GABRD: variants seen among roughly 807,000 people sequenced by gnomAD.
GABRD encodes gamma-aminobutyric acid receptor subunit delta.
GABRD carries 25 observed loss-of-function variants against 47.3 expected under a neutral mutation model. The ratio of observed to expected loss-of-function variants is 0.53; its 90% confidence interval spans 0.39 to 0.74. GABRD has a LOEUF of 0.74. Among genes scored for constraint, GABRD ranks in the 30% least tolerant of loss-of-function variants. GABRD has a pLI of 0.00. For missense variants in GABRD, 497 were observed against 643.4 expected, an observed-to-expected ratio of 0.77 and a Z score of 2.46; for synonymous variants, 314 against 278.8, an observed-to-expected ratio of 1.13 and a Z score of -1.26.
chr1:2,019,570 G>C, intron 1 of GABRD, 79 bp downstream of exon 1: 1 of 891,606 alleles, frequency 1.1e-6, no homozygotes, highest in East Asian at 6.1e-5. Flanking sequence ...GGCTGGGAGA[G>C]CGGCCGGCGC....
intron 4 of GABRD, 56 bp from the exon 5 acceptor site, chr1:2,027,521 C>A (rs558900384): frequency 1.0e-5 from 15 of 1,461,958 alleles, no homozygotes; most frequent in South Asian, 8.3e-5. Flanking sequence ...AACTGCCAGG[C>A]TTTCGGGAGG....
intron 6 of GABRD, 94 bp from the exon 7 acceptor site, chr1:2,029,016 TG>T: frequency 6.8e-7 from 1 of 1,461,572 alleles, no homozygotes; most frequent in Non-Finnish European, 9.2e-7. Flanking sequence ...TGAGCCCTGG[TG>T]GGCCCCGTAG....
Position 2,028,407 on chromosome 1 carries a change from A to G in GABRD, c.691+115A>G, listed in dbSNP as rs905978069. 2.2e-5 allele frequency: 26 copies of G among 1,194,602 alleles called. No individual in the cohort carries two copies. Among genetic ancestry groups the G allele is most frequent in the Admixed American group, 4.4e-5 (1 of 22,568 alleles). The allele number at this position is 1,194,602 out of a possible 1,614,324, so 74.0% of individuals were successfully genotyped here. ...CCGCGTGCGCCCGCCTGTGGTTTTC[A>G]TGCTTTTTAGTCAAGCGCCCGCAGG... On this transcript the variant is annotated intron_variant, in intron 6 of 8. Transcript: ENST00000378585. The surrounding 1 kb of genome is among the most constrained non-coding windows in gnomAD (Gnocchi z 6.4).
chr1:2,027,589 T>C lies in GABRD; in HGVS notation c.483T>C (p.Thr161=), dbSNP rs756455348. The C allele has an allele frequency of 1.1e-5, 17 of 1,613,434 alleles. No homozygotes were observed. In the East Asian group the frequency reaches 3.6e-4, roughly 34 times the overall value. Residue 161 remains threonine, a synonymous_variant, in exon 5 of 9, where the codon ACT becomes ACC. Coordinates refer to ENST00000378585, the MANE Select transcript of GABRD (RefSeq NM_000815.5). Reference sequence around the variant, plus strand: ...CTTGTCTTGGCAGAATCACCTCCACTGTGGCCTGCGACATGGACCTGGCCA... The same window carrying C: ...CTTGTCTTGGCAGAATCACCTCCACCGTGGCCTGCGACATGGACCTGGCCA... ...VILYSIRITS[T]VACDMDLAKY... is the part of the protein sequence containing the mutation.
At chr1:2,020,304 G>T (rs946777829) in intron 1 of GABRD, among the ~76,000 whole-genome samples, 5 of 152,250 alleles carry the variant, frequency 3.3e-5, no homozygotes, top group Non-Finnish European at 7.3e-5. Flanking sequence ...TAGGAGTCAC[G>T]AGAGGACATT....
rs1228013292 is a variant in GABRD, at chr1:2,025,336, C to G, written c.184C>G (p.Pro62Ala). ...TTAGTTCTGCTCTTTCCTTGCAGGC[C>G]CCCCCGTGAATGTGGCCCTTGCCCT... ...ARNFRPGIGGPPVNVALALEV... is the reference protein window; with the variant it reads ...ARNFRPGIGGAPVNVALALEV... The change falls in exon 3 of 9, where the codon CCC becomes GCC. Residue 62 changes from proline to alanine, a missense_variant and splice_region_variant. This residue lies in a region of GABRD where 91 missense variants were observed against 85.5 expected (regional missense o/e 1.06). Transcript: ENST00000378585. The G allele has an allele frequency of 3.7e-6, 6 of 1,613,086 alleles. No homozygotes were observed. Among genetic ancestry groups the G allele is most frequent in the African/African-American group, 2.7e-5 (2 of 74,946 alleles).
At position 2,028,365 on chromosome 1, in the gene GABRD, CGCGCCCACCGCCCCTTCCGCGT is replaced by C. The variant is rs1571031231; in HGVS notation, c.691+80_691+101del. The C allele has an allele frequency of 1.6e-5, 22 of 1,370,618 alleles. No homozygotes were observed. The South Asian group carries it at 2.1e-4, about 13-fold the overall frequency. The allele number at this position is 1,370,618 out of a possible 1,614,324, so 84.9% of individuals were successfully genotyped here. A position where few individuals can be genotyped will look rare whatever the true frequency, so the allele number is the denominator to read the frequency against. On this transcript the variant is annotated intron_variant, in intron 6 of 8. Transcript: ENST00000378585. This position sits in a 1 kb window ranked among gnomAD's most constrained non-coding sequence, Gnocchi z 6.4. Reference sequence around the variant, plus strand: ...GCGCGCGCCCACCGCCCCTTCCGCGCGCGCCCACCGCCCCTTCCGCGTGCGCCCGCCTGTGGTTTTCATGCTT... The same window carrying C: ...GCGCGCGCCCACCGCCCCTTCCGCGCGCGCCCGCCTGTGGTTTTCATGCTT...
chr1:2,029,799 G>C (rs781038575), intron 8 of GABRD, 37 bp downstream of exon 8: 2 of 1,587,546 alleles, frequency 1.3e-6, no homozygotes, highest in Non-Finnish European at 1.7e-6. Context: ...CAGCACTGCT[G>C]GGGGCCCCAA....
rs762410432 is a variant in GABRD at position 2,027,559 on chromosome 1, C to T, written c.471-18C>T. 6.2e-7 allele frequency: 1 copy of T among 1,609,648 alleles called. No homozygotes were observed. Among genetic ancestry groups the T allele is most frequent in the South Asian group, 1.1e-5 (1 of 90,376 alleles). On this transcript the variant is annotated intron_variant, in intron 4 of 8. Transcript: ENST00000378585. ...TGGCCTCACCCCCAAGGCCTCACTGCCATGCTTGTCTTGGCAGAATCACCT... is the reference window on the plus strand; with the variant it reads ...TGGCCTCACCCCCAAGGCCTCACTGTCATGCTTGTCTTGGCAGAATCACCT...
At chr1:2,029,495 G>A in intron 7 of GABRD, 56 bp from the exon 8 acceptor site, 1 of 1,598,924 alleles carries the variant, frequency 6.3e-7, no homozygotes, top group Non-Finnish European at 8.5e-7. Flanking sequence ...CATCAAGGCT[G>A]GGATGGGGCG....
chr1:2,027,737 A>G (rs1658968393), intron 5 of GABRD, 78 bp downstream of exon 5: 1 of 1,320,764 alleles, frequency 7.6e-7, no homozygotes, highest in Admixed American at 1.8e-5. Flanking sequence ...GGGCCTGGAC[A>G]AGGCTGGCCC....
At position 2,028,109 on chromosome 1, in the gene GABRD, G is replaced by C; in HGVS notation, c.554-46G>C. 6.3e-7 allele frequency: 1 copy of C among 1,584,450 alleles called. No homozygotes were observed. The highest frequency in any genetic ancestry group is 8.6e-7 in the Non-Finnish European group (1 of 1,161,386). Reference sequence around the variant, plus strand: ...ACGGAGCGCTCCTGCCAGGGCTCCCGGGGCAGGGCCGGGCTCTGCCGCCCA... The same window carrying C: ...ACGGAGCGCTCCTGCCAGGGCTCCCCGGGCAGGGCCGGGCTCTGCCGCCCA... On this transcript the variant is annotated intron_variant, in intron 5 of 8. Coordinates refer to ENST00000378585, the MANE Select transcript of GABRD (RefSeq NM_000815.5). The surrounding 1 kb of genome is among the most constrained non-coding windows in gnomAD (Gnocchi z 6.4).
intron 4 of GABRD, 123 bp downstream of exon 4, chr1:2,025,861 G>T: frequency 1.3e-6 from 1 of 765,606 alleles, no homozygotes; most frequent in South Asian, 1.8e-5. Flanking sequence ...GCGGGCGGGC[G>T]GAGGGGGGGG....
chr1:2,029,855 C>T (rs1472886870), intron 8 of GABRD, 93 bp downstream of exon 8: 2 of 1,508,506 alleles, frequency 1.3e-6, no homozygotes, highest in Non-Finnish European at 1.8e-6. Flanking sequence ...CCCAGCTGTG[C>T]TCCCTGAGCG....
Position 2,028,814 on chromosome 1 carries a change from C to G in GABRD, c.692-297C>G. 1 of 478,024 alleles carries G rather than the reference C, an allele frequency of 2.1e-6. No homozygotes were observed. Among genetic ancestry groups the G allele is most frequent in the Non-Finnish European group, 3.7e-6 (1 of 269,114 alleles). The allele number at this position is 478,024 out of a possible 1,614,324, so 29.6% of individuals were successfully genotyped here. A position where few individuals can be genotyped will look rare whatever the true frequency, so the allele number is the denominator to read the frequency against. Reference sequence around the variant, plus strand: ...TAGGAGAGAAAGGGGTGAGCCCTCCCCATTGGTTGCGAGGGTCCCTCAGGG... The same window carrying G: ...TAGGAGAGAAAGGGGTGAGCCCTCCGCATTGGTTGCGAGGGTCCCTCAGGG... On this transcript the variant is annotated intron_variant, in intron 6 of 8. Coordinates refer to ENST00000378585, the MANE Select transcript of GABRD (RefSeq NM_000815.5). This position sits in a 1 kb window ranked among gnomAD's most constrained non-coding sequence, Gnocchi z 6.4.
rs1045485424 is a variant in GABRD at position 2,025,747 on chromosome 1, G to A, written c.470+9G>A. 7 of 1,609,170 alleles carry A rather than the reference G, an allele frequency of 4.4e-6. No individual in the cohort carries two copies. In the African/African-American group the frequency reaches 6.7e-5, roughly 15 times the overall value. The stretch of plus-strand genomic sequence containing the variant: ...ATCCTGTACAGCATCCGGTGAGCGG[G>A]CTGCCCACCCGGACTCCGGGGGAGA... On this transcript the variant is annotated intron_variant, in intron 4 of 8. Transcript: ENST00000378585.
rs1658897608 is a variant in GABRD, at chr1:2,025,493, C to A, written c.250-25C>A. ...CCCTGGGGGTGGAGCAAGGCTGACC[C>A]CCGGCCCCTGTGCCACCTCCACAGG... On this transcript the variant is annotated intron_variant, in intron 3 of 8. Coordinates refer to ENST00000378585, the MANE Select transcript of GABRD (RefSeq NM_000815.5). The A allele has an allele frequency of 1.9e-6, 3 of 1,612,072 alleles. No individual in the cohort carries two copies. In the East Asian group the frequency reaches 6.7e-5, roughly 36 times the overall value.
At position 2,028,085 on chromosome 1, in the gene GABRD, C is replaced by T. The variant is rs969276852; in HGVS notation, c.554-70C>T. The T allele has an allele frequency of 1.8e-5, 27 of 1,539,444 alleles. 1 individual carries two copies. Among genetic ancestry groups the T allele is most frequent in the Admixed American group, 1.1e-4 (6 of 55,062 alleles). On this transcript the variant is annotated intron_variant, in intron 5 of 8. Coordinates refer to ENST00000378585, the MANE Select transcript of GABRD (RefSeq NM_000815.5). The surrounding 1 kb of genome is among the most constrained non-coding windows in gnomAD (Gnocchi z 6.4). ...GCCCCCTGCAGGCTTCCTGTGTGGA[C>T]GGAGCGCTCCTGCCAGGGCTCCCGG... is the stretch of plus-strand genomic sequence containing the variant.
chr1:2,027,294 G>A (rs1453825164), intron 4 of GABRD: 3 of 497,156 alleles, frequency 6.0e-6, no homozygotes, highest in Non-Finnish European at 7.4e-6. Context: ...CCAGGGCCTG[G>A]GTGTGAAGGC....
Sources: allele counts gnomAD v4.1 joint callset (sites outside exome capture counted in the v4.1 genomes callset), GRCh38; gene constraint gnomAD v4.1.1; regional missense constraint gnomAD v4.1.1; non-coding constraint Gnocchi (gnomAD v3.1); transcripts MANE v1.5; gene names NCBI Gene and HGNC (gene_info 2026-07-23, HGNC 2026-07-21).